The following EIF3J variants were observed in gnomAD, a reference collection of about 807,000 sequenced individuals.
The protein encoded by EIF3J is eukaryotic translation initiation factor 3 subunit J.
EIF3J carries 15 observed loss-of-function variants against 39.0 expected under a neutral mutation model. The observed-to-expected ratio is 0.38, with a 90% CI of 0.26 to 0.59. The LOEUF (loss-of-function observed/expected upper bound fraction) is 0.59. Among genes scored for constraint, EIF3J ranks in the 20% least tolerant of loss-of-function variants. The pLI, the probability that EIF3J is intolerant of heterozygous loss-of-function variation, is 0.60. For missense variants in EIF3J, 226 were observed against 308.6 expected (o/e 0.73, Z 2.00); for synonymous variants, 98 against 112.9 (o/e 0.87, Z 0.84).
chr15:44,559,855 A>G (rs1156752793), intron 6 of EIF3J, among the ~76,000 whole-genome samples: 1 of 150,168 alleles, frequency 6.7e-6, no homozygotes, highest in Admixed American at 6.7e-5. Context: ...TGAGCTATAA[A>G]GACAGTTTCT....
chr15:44,555,052 G>A (rs1053367594), intron 5 of EIF3J, among the ~76,000 whole-genome samples: 4 of 152,158 alleles, frequency 2.6e-5, no homozygotes, highest in African/African-American at 9.7e-5. Flanking sequence ...GTTGCTCCAG[G>A]TGAGAGGCAT....
chr15:44,541,733 G>A (rs1381008578), intron 2 of EIF3J, among the ~76,000 whole-genome samples: 1 of 152,176 alleles, frequency 6.6e-6, no homozygotes, highest in Non-Finnish European at 1.5e-5. Context: ...CAGAAAATGG[G>A]TATTTTGAAG....
chr15:44,560,233 C>T lies in EIF3J; in HGVS notation c.572-16C>T. ...TTAAAAATTCAAGTTTAATGGTATG[C>T]CCTTTTTTTTTTAAGTGGAAATTGA... On this transcript the variant is annotated splice_polypyrimidine_tract_variant and intron_variant, in intron 6 of 7. Transcript: ENST00000261868. 1 of 1,590,456 alleles carries T rather than the reference C, an allele frequency of 6.3e-7. No homozygotes were observed.
Position 44,562,063 on chromosome 15 carries a change from A to T in EIF3J, c.*914A>T, listed in dbSNP as rs2140906131. ...AATGTTTTATAAAGCAACTAATTTAATAAAATCACTGTTGTGAGGACTTAA... is the reference window on the plus strand; with the variant it reads ...AATGTTTTATAAAGCAACTAATTTATTAAAATCACTGTTGTGAGGACTTAA... On this transcript the variant is annotated 3_prime_UTR_variant, in exon 8 of 8. Transcript: ENST00000261868. The T allele has an allele frequency of 6.5e-6, 1 of 152,796 alleles. No individual in the cohort carries two copies. The highest frequency in any genetic ancestry group is 1.5e-5 in the Non-Finnish European group (1 of 68,034). 9.5% of individuals were successfully genotyped at this position (152,796 alleles called of 1,614,324 possible).
intron 2 of EIF3J, among the ~76,000 whole-genome samples, chr15:44,538,375 T>C (rs1254841380): frequency 6.6e-6 from 1 of 152,188 alleles, no homozygotes; most frequent in Non-Finnish European, 1.5e-5. Flanking sequence ...AATCTTGTTA[T>C]ATTTGTGCAG....
intron 2 of EIF3J, among the ~76,000 whole-genome samples, chr15:44,550,179 G>A (rs1277908416): frequency 6.6e-6 from 1 of 152,080 alleles, no homozygotes; most frequent in East Asian, 1.9e-4. Flanking sequence ...TTGCAGATAA[G>A]GTAGCATACC....
Position 44,560,243 on chromosome 15 carries a change from T to G in EIF3J, c.572-6T>G. ...AAGTTTAATGGTATGCCCTTTTTTT[T>G]TTAAGTGGAAATTGATGACTTGAAA... On this transcript the variant is annotated splice_region_variant and splice_polypyrimidine_tract_variant and intron_variant, in intron 6 of 7. Transcript: ENST00000261868. 1 of 1,596,374 alleles carries G rather than the reference T, an allele frequency of 6.3e-7. No homozygotes were observed. The highest frequency in any genetic ancestry group is 8.5e-7 in the Non-Finnish European group (1 of 1,175,846).
chr15:44,553,165 G>A (rs1362862426), intron 4 of EIF3J, among the ~76,000 whole-genome samples: 7 of 150,234 alleles, frequency 4.7e-5, no homozygotes, highest in Non-Finnish European at 3.0e-5. Context: ...CAGCCTAGGT[G>A]ACAGAGCAAG....
intron 6 of EIF3J, among the ~76,000 whole-genome samples, chr15:44,558,477 T>C (rs2082163229): frequency 2.0e-5 from 3 of 151,424 alleles, no homozygotes. Flanking sequence ...TGCAGTGAGC[T>C]GAGATCGTGC....
At chr15:44,558,360 T>C (rs2082162215) in intron 6 of EIF3J, among the ~76,000 whole-genome samples, 1 of 152,044 alleles carries the variant, frequency 6.6e-6, no homozygotes, top group South Asian at 2.1e-4. Flanking sequence ...TCCCAGCACT[T>C]TGGGAGGCCA....
intron 2 of EIF3J, among the ~76,000 whole-genome samples, chr15:44,546,830 T>TA (rs2082057061): frequency 7.2e-6 from 1 of 138,290 alleles, no homozygotes; most frequent in African/African-American, 2.7e-5. Flanking sequence ...TTTTTTTTTT[T>TA]TTTTTTTTTT....
In EIF3J at chr15:44,557,631, T is replaced by C. The variant is rs761460575; in HGVS notation, c.552T>C (p.Val184=). 3.3e-6 allele frequency: 5 copies of C among 1,510,366 alleles called. No homozygotes were observed. Among genetic ancestry groups the C allele is most frequent in the Admixed American group, 4.4e-5 (2 of 45,002 alleles). 93.6% of individuals were successfully genotyped at this position (1,510,366 alleles called of 1,614,324 possible). A position where few individuals can be genotyped will look rare whatever the true frequency, so the allele number is the denominator to read the frequency against. The change falls in exon 6 of 8, where the codon GTT becomes GTC. Residue 184 remains valine, a synonymous_variant. Coordinates refer to ENST00000261868, the MANE Select transcript of EIF3J (RefSeq NM_003758.4). ...LYYASFLEVL[V]RDVCISLEID... ...ATGCCAGTTTTTTGGAAGTCTTAGT[T>C]CGAGATGTGTGTATTTCATGTAAGT...
chr15:44,550,217 A>G (rs1245013707), intron 2 of EIF3J, among the ~76,000 whole-genome samples: 1 of 152,228 alleles, frequency 6.6e-6, no homozygotes, highest in African/African-American at 2.4e-5. Flanking sequence ...GCAACGATAA[A>G]TCTAACTTAA....
chr15:44,542,247 C>G (rs1233895042), intron 2 of EIF3J, among the ~76,000 whole-genome samples: 1 of 152,114 alleles, frequency 6.6e-6, no homozygotes, highest in African/African-American at 2.4e-5. Flanking sequence ...CTGAACTTTG[C>G]TGGGAAGTCT....
At chr15:44,555,449 G>T (rs2082136744) in intron 5 of EIF3J, among the ~76,000 whole-genome samples, 1 of 152,200 alleles carries the variant, frequency 6.6e-6, no homozygotes, top group Non-Finnish European at 1.5e-5. Flanking sequence ...CAGGCTGACT[G>T]TAGTGATTGT....
chr15:44,555,003 T>C (rs1037021217), intron 5 of EIF3J, among the ~76,000 whole-genome samples: 3 of 152,222 alleles, frequency 2.0e-5, no homozygotes, highest in Non-Finnish European at 4.4e-5. Flanking sequence ...AAATGGACTG[T>C]AGGGCTGTCC....
intron 2 of EIF3J, among the ~76,000 whole-genome samples, chr15:44,540,127 C>T (rs1283165830): frequency 3.3e-5 from 5 of 149,260 alleles, no homozygotes; most frequent in South Asian, 2.1e-4. Flanking sequence ...TTAGTAGAGA[C>T]GGGGTTTCAC....
At chr15:44,557,344 T>TA (rs2082153356) in intron 5 of EIF3J, 145 bp from the exon 6 acceptor site, 1 of 471,926 alleles carries the variant, frequency 2.1e-6, no homozygotes, top group African/African-American at 2.0e-5. Flanking sequence ...AGCCATTCTA[T>TA]CCAGTGACTC....
At chr15:44,539,163 A>T (rs1460315026) in intron 2 of EIF3J, among the ~76,000 whole-genome samples, 1 of 151,086 alleles carries the variant, frequency 6.6e-6, no homozygotes, top group Non-Finnish European at 1.5e-5. Flanking sequence ...AGTAGCTGGG[A>T]TTACAGGCAC....
Sources: gnomAD v4.1 joint callset for allele counts (sites outside exome capture counted in the v4.1 genomes callset) on GRCh38, gnomAD v4.1.1 for gene constraint, MANE v1.5 for transcripts, NCBI Gene and HGNC (gene_info 2026-07-23, HGNC 2026-07-21) for gene names.